SLC10A7: variants seen among roughly 807,000 people sequenced by gnomAD.
SLC10A7 encodes sodium/bile acid cotransporter 7.
SLC10A7 carries 29 observed loss-of-function variants against 43.2 expected under a neutral mutation model. That is an observed-to-expected ratio of 0.67 (90% CI 0.50 to 0.92). The LOEUF (loss-of-function observed/expected upper bound fraction) is 0.92, where lower values mean the gene tolerates loss of function less well. Among genes scored for constraint, SLC10A7 ranks in the 40% least tolerant of loss-of-function variants. SLC10A7 has a pLI of 0.00. For synonymous variants in SLC10A7, 152 were observed against 144.8 expected (o/e 1.05, Z -0.35); for missense variants, 295 against 403.2 (o/e 0.73, Z 2.30).
At chr4:146,433,746 T>A (rs1729974833) in intron 5 of SLC10A7, among the ~76,000 whole-genome samples, 1 of 152,020 alleles carries the variant, frequency 6.6e-6, no homozygotes, top group Admixed American at 6.6e-5. Flanking sequence ...ATGCCTCTAG[T>A]CCCAGTTGAG....
At chr4:146,450,262 C>G (rs920378429) in intron 4 of SLC10A7, among the ~76,000 whole-genome samples, 1 of 152,070 alleles carries the variant, frequency 6.6e-6, no homozygotes, top group Non-Finnish European at 1.5e-5. Flanking sequence ...TGTTGTTATT[C>G]CCTAAGCAAT....
intron 5 of SLC10A7, among the ~76,000 whole-genome samples, chr4:146,388,798 C>A (rs1738202848): frequency 6.6e-6 from 1 of 151,138 alleles, no homozygotes; most frequent in African/African-American, 2.4e-5. Flanking sequence ...AGAAGAAAAC[C>A]TAGGAAAGAA....
chr4:146,341,596 T>C (rs1325132548), intron 5 of SLC10A7, among the ~76,000 whole-genome samples: 1 of 151,780 alleles, frequency 6.6e-6, no homozygotes. Context: ...CACAATATAA[T>C]ATGTCCTCAT....
intron 5 of SLC10A7, among the ~76,000 whole-genome samples, chr4:146,426,326 A>G (rs540158321): frequency 1.5e-4 from 23 of 152,338 alleles, no homozygotes; most frequent in Admixed American, 1.5e-3. Flanking sequence ...AGTGATTTCC[A>G]GTAGAGAAAG....
Position 146,274,226 on chromosome 4 carries a change from C to T in SLC10A7, c.847+8966G>A, listed in dbSNP as rs528862897. On this transcript the variant is annotated intron_variant, in intron 10 of 11. Coordinates refer to ENST00000335472, the MANE Select transcript of SLC10A7 (RefSeq NM_001029998.6). ...TTTTTTTTTTTTTTTTTTTTTGAGA[C>T]GGAGTCTCACTCTGTCACCCAGGCT... 9.5e-3 allele frequency among the ~76,000 whole-genome samples: 1,222 copies of T among 128,116 alleles called. 5 individuals are homozygous for T. The highest frequency in any genetic ancestry group is 0.014 in the Non-Finnish European group (912 of 63,302). 84.0% of individuals were successfully genotyped at this position (128,116 alleles called of 152,430 possible).
chr4:146,354,249 C>G (rs1735382804), intron 5 of SLC10A7, among the ~76,000 whole-genome samples: 1 of 150,824 alleles, frequency 6.6e-6, no homozygotes, highest in Admixed American at 6.6e-5. Context: ...CAACAACAGA[C>G]AAACAGAGAG....
chr4:146,266,410 C>A (rs939447251), intron 10 of SLC10A7, among the ~76,000 whole-genome samples: 3 of 151,956 alleles, frequency 2.0e-5, no homozygotes, highest in African/African-American at 7.3e-5. Context: ...ACCACACATG[C>A]CCATGCACAT....
chr4:146,448,718 G>T (rs191426953), intron 4 of SLC10A7, among the ~76,000 whole-genome samples: 29 of 152,264 alleles, frequency 1.9e-4, no homozygotes, highest in African/African-American at 5.5e-4. Context: ...GATATTTATG[G>T]TTATCTCAGA....
intron 7 of SLC10A7, among the ~76,000 whole-genome samples, chr4:146,301,084 G>C (rs1731130853): frequency 6.6e-6 from 1 of 152,180 alleles, no homozygotes; most frequent in South Asian, 2.1e-4. Context: ...CTATAAGCAA[G>C]GAGGTAGGAA....
At chr4:146,419,590 C>A (rs1342343779) in intron 5 of SLC10A7, among the ~76,000 whole-genome samples, 1 of 152,040 alleles carries the variant, frequency 6.6e-6, no homozygotes, top group Non-Finnish European at 1.5e-5. Flanking sequence ...AATCCCAGCA[C>A]CTTGGGAGGC....
chr4:146,395,028 T>G (rs954029032), intron 5 of SLC10A7, among the ~76,000 whole-genome samples: 2 of 152,148 alleles, frequency 1.3e-5, no homozygotes, highest in African/African-American at 4.8e-5. Flanking sequence ...GAACTCTCAC[T>G]CCATGTTTCC....
At chr4:146,337,163 AAAG>A (rs1422127139) in intron 5 of SLC10A7, among the ~76,000 whole-genome samples, 1 of 152,136 alleles carries the variant, frequency 6.6e-6, no homozygotes, top group African/African-American at 2.4e-5. Flanking sequence ...ATAATTTTCT[AAAG>A]AAGTTTCTTA....
Position 146,290,531 on chromosome 4 carries a change from A to G in SLC10A7, c.773+2398T>C, listed in dbSNP as rs569681439. Among the ~76,000 whole-genome samples, 315 of 152,102 alleles carry G rather than the reference A, an allele frequency of 2.1e-3. 1 individual carries two copies. The highest frequency in any genetic ancestry group is 0.02 in the Middle Eastern group (6 of 294). The stretch of plus-strand genomic sequence containing the variant: ...AGCTATATGCTGTCGTTTATCAAAG[A>G]AAGTGCTGGTTTGACTGTAAGTCAA... On this transcript the variant is annotated intron_variant, in intron 9 of 11. Coordinates refer to ENST00000335472, the MANE Select transcript of SLC10A7 (RefSeq NM_001029998.6).
At chr4:146,385,541 G>GT (rs1737931331) in intron 5 of SLC10A7, among the ~76,000 whole-genome samples, 1 of 152,018 alleles carries the variant, frequency 6.6e-6, no homozygotes, top group Non-Finnish European at 1.5e-5. Context: ...ATTGATTACA[G>GT]ATGTTTCTCA....
chr4:146,470,836 T>C (rs1286039608), intron 4 of SLC10A7, among the ~76,000 whole-genome samples: 3 of 152,150 alleles, frequency 2.0e-5, no homozygotes, highest in African/African-American at 7.2e-5. Context: ...AGCATGTTGG[T>C]ATGGGAAATT....
chr4:146,467,599 GT>G (rs1196413676), intron 4 of SLC10A7, among the ~76,000 whole-genome samples: 1 of 107,908 alleles, frequency 9.3e-6, no homozygotes, highest in Non-Finnish European at 1.7e-5. Flanking sequence ...AGAGCGCTCT[GT>G]TTCCCAGGCT....
intron 1 of SLC10A7, 85 bp downstream of exon 1, chr4:146,521,533 A>G (rs1208381109): frequency 1.7e-6 from 2 of 1,160,946 alleles, no homozygotes; most frequent in Non-Finnish European, 2.5e-6. Flanking sequence ...AGCGCTTGCA[A>G]TGAGGGTTGC....
intron 5 of SLC10A7, chr4:146,442,042 T>C (rs1730642924): frequency 1.0e-6 from 1 of 978,030 alleles, no homozygotes; most frequent in Non-Finnish European, 1.2e-6. Flanking sequence ...AAATACAATA[T>C]GATAATTAAC....
chr4:146,267,528 G>C (rs1728636804), intron 10 of SLC10A7, among the ~76,000 whole-genome samples: 1 of 152,096 alleles, frequency 6.6e-6, no homozygotes, highest in African/African-American at 2.4e-5. Flanking sequence ...ATTCTCCATG[G>C]TATTTTAACA....
Sources: gnomAD v4.1 joint callset for allele counts (sites outside exome capture counted in the v4.1 genomes callset) on GRCh38, gnomAD v4.1.1 for gene constraint, MANE v1.5 for transcripts, NCBI Gene and HGNC (gene_info 2026-07-23, HGNC 2026-07-21) for gene names.